The following RTRAF variants were observed in gnomAD, a reference collection of about 807,000 sequenced individuals.
RTRAF encodes tRNA-splicing ligase complex subunit RTRAF.
RTRAF carries 14 observed loss-of-function variants against 34.4 expected under a neutral mutation model. The observed-to-expected ratio is 0.41, with a 90% CI of 0.27 to 0.64. The LOEUF is 0.64. RTRAF is among the 30% of genes least tolerant of loss of function. The pLI, the probability that RTRAF is intolerant of heterozygous loss-of-function variation, is 0.34. For synonymous variants in RTRAF, 96 were observed against 95.3 expected (o/e 1.01, Z -0.04); for missense variants, 291 against 288.4 (o/e 1.01, Z -0.06).
Position 52,008,308 on chromosome 14 carries a change from A to AT in RTRAF, c.*3794dup, listed in dbSNP as rs1289257956. On this transcript the variant is annotated 3_prime_UTR_variant, in exon 8 of 8. Coordinates refer to ENST00000261700, the MANE Select transcript of RTRAF (RefSeq NM_016039.3). ...TCCTTGAGGGCTGTTGGCCAGAGAC[A>AT]TTAGTCTTGCCTGTAGCCCATGTGA... 1 of 194,690 alleles carries AT rather than the reference A, an allele frequency of 5.1e-6. No homozygotes were observed. Among genetic ancestry groups the AT allele is most frequent in the Non-Finnish European group, 1.0e-5 (1 of 95,368 alleles). The allele number at this position is 194,690 out of a possible 1,614,324, so 12.1% of individuals were successfully genotyped here. A position where few individuals can be genotyped will look rare whatever the true frequency, so the allele number is the denominator to read the frequency against.
intron 2 of RTRAF, among the ~76,000 whole-genome samples, 162 bp downstream of exon 2, chr14:51,991,603 C>T (rs540400088): frequency 9.2e-4 from 140 of 152,232 alleles, no homozygotes; most frequent in South Asian, 5.8e-3. Flanking sequence ...GTGTCTTTTG[C>T]TTTTAGAGCA....
Position 52,009,744 on chromosome 14 carries a change from C to T in RTRAF, c.*5228C>T, listed in dbSNP as rs1890934524. On this transcript the variant is annotated 3_prime_UTR_variant, in exon 8 of 8. Transcript: ENST00000261700. ...GGCGCAGTGGCTCATACCTATAATCCCAGCACTTTGGGAGGCCAAGGCAGG... is the reference window on the plus strand; with the variant it reads ...GGCGCAGTGGCTCATACCTATAATCTCAGCACTTTGGGAGGCCAAGGCAGG... 1 of 152,190 alleles carries T rather than the reference C, an allele frequency of 6.6e-6. No homozygotes were observed. Among genetic ancestry groups the T allele is most frequent in the South Asian group, 2.1e-4 (1 of 4,824 alleles). 9.4% of individuals were successfully genotyped at this position (152,190 alleles called of 1,614,324 possible). A position where few individuals can be genotyped will look rare whatever the true frequency, so the allele number is the denominator to read the frequency against.
At chr14:51,993,253 CATTT>C (rs1187687032) in intron 2 of RTRAF, among the ~76,000 whole-genome samples, 2 of 152,066 alleles carry the variant, frequency 1.3e-5, no homozygotes, top group Non-Finnish European at 2.9e-5. Context: ...CAGCTTCTGA[CATTT>C]ATTTAAATTA....
Position 52,005,946 on chromosome 14 carries a change from C to T in RTRAF, c.*1430C>T. On this transcript the variant is annotated 3_prime_UTR_variant, in exon 8 of 8. Transcript: ENST00000261700. ...AATCAGTTGCAATAGAGGAAAATTT[C>T]TGGCAGCCTTCTCTGTCCCAGGGCT... 2 of 861,742 alleles carry T rather than the reference C, an allele frequency of 2.3e-6. No individual in the cohort carries two copies. The allele number at this position is 861,742 out of a possible 1,614,324, so 53.4% of individuals were successfully genotyped here. A position where few individuals can be genotyped will look rare whatever the true frequency, so the allele number is the denominator to read the frequency against.
At chr14:51,996,197 A>G (rs1052156147) in intron 3 of RTRAF, among the ~76,000 whole-genome samples, 3 of 152,164 alleles carry the variant, frequency 2.0e-5, no homozygotes, top group Non-Finnish European at 4.4e-5. Flanking sequence ...GGAAGTCAAC[A>G]TATACTTGAA....
At chr14:52,004,341 T>C (rs1566735253) in intron 7 of RTRAF, 21 bp from the exon 8 acceptor site, 1 of 1,611,710 alleles carries the variant, frequency 6.2e-7, no homozygotes, top group Non-Finnish European at 8.5e-7. Flanking sequence ...ATTGAAGCAG[T>C]GTTCTTTTCT....
chr14:52,004,264 C>A, intron 7 of RTRAF, 22 bp downstream of exon 7: 2 of 1,611,174 alleles, frequency 1.2e-6, no homozygotes, highest in African/African-American at 2.7e-5. Flanking sequence ...TGTTTAAATT[C>A]AAACTATTTT....
chr14:52,007,997 A>G lies in RTRAF; in HGVS notation c.*3481A>G, dbSNP rs756624594. 1.9e-6 allele frequency: 3 copies of G among 1,583,884 alleles called. No individual in the cohort carries two copies. The highest frequency in any genetic ancestry group is 2.6e-6 in the Non-Finnish European group (3 of 1,164,538). The stretch of plus-strand genomic sequence containing the variant: ...AAGTTAAAAATCAAGATTGTAAAAG[A>G]ATAGCCATGTAGCCTGTGGTAGGCA... On this transcript the variant is annotated 3_prime_UTR_variant, in exon 8 of 8. Coordinates refer to ENST00000261700, the MANE Select transcript of RTRAF (RefSeq NM_016039.3).
rs368337303 is a variant in RTRAF, at chr14:51,999,824, A to G, written c.462+28A>G. 21 of 1,505,408 alleles carry G rather than the reference A, an allele frequency of 1.4e-5. No individual in the cohort carries two copies. In the African/African-American group the frequency reaches 2.9e-4, roughly 21 times the overall value. 93.3% of individuals were successfully genotyped at this position (1,505,408 alleles called of 1,614,324 possible). Reference sequence around the variant, plus strand: ...CAGCTTCATGTTCTTGATTCTTGACAGAAACTGTGCACATAGAAAAATGTC... The same window carrying G: ...CAGCTTCATGTTCTTGATTCTTGACGGAAACTGTGCACATAGAAAAATGTC... On this transcript the variant is annotated intron_variant, in intron 5 of 7. Coordinates refer to ENST00000261700, the MANE Select transcript of RTRAF (RefSeq NM_016039.3).
chr14:52,003,263 A>G (rs145135313), intron 6 of RTRAF, among the ~76,000 whole-genome samples: 5 of 152,238 alleles, frequency 3.3e-5, no homozygotes, highest in African/African-American at 1.2e-4. Context: ...CCTGTTGGCA[A>G]AGGAAAAAAA....
intron 1 of RTRAF, 61 bp from the exon 2 acceptor site, chr14:51,991,256 C>T (rs1890429685): frequency 1.3e-5 from 19 of 1,514,090 alleles, no homozygotes; most frequent in Non-Finnish European, 1.7e-5. Context: ...TGAACATATA[C>T]CTGAGAAGGA....
intron 4 of RTRAF, 35 bp from the exon 5 acceptor site, chr14:51,999,673 G>A: frequency 1.4e-6 from 2 of 1,406,288 alleles, no homozygotes; most frequent in East Asian, 4.6e-5. Context: ...CGTTTGCAGG[G>A]TTGTAAGTTT....
chr14:51,997,564 ATTAAGT>A lies in RTRAF; in HGVS notation c.287-926_287-921del, dbSNP rs1170793541. On this transcript the variant is annotated intron_variant, in intron 3 of 7. Coordinates refer to ENST00000261700, the MANE Select transcript of RTRAF (RefSeq NM_016039.3). ...TATAGCCTAAGATGCCATTTTGAACATTAAGTTTAGTGAATTATTAATAAGTGTTTT... is the reference window on the plus strand; with the variant it reads ...TATAGCCTAAGATGCCATTTTGAACATTAGTGAATTATTAATAAGTGTTTT... 3.3e-5 allele frequency among the ~76,000 whole-genome samples: 5 copies of A among 152,060 alleles called. No individual in the cohort carries two copies. The East Asian group carries it at 7.7e-4, about 23-fold the overall frequency.
In RTRAF at chr14:52,006,361, A is replaced by T; in HGVS notation, c.*1845A>T. On this transcript the variant is annotated 3_prime_UTR_variant, in exon 8 of 8. Transcript: ENST00000261700. The stretch of plus-strand genomic sequence containing the variant: ...GTGAAGTAAAAGGATGATTTCAAAA[A>T]CATGAAAGGATGAAAAACATCCTTG... 1 of 648,114 alleles carries T rather than the reference A, an allele frequency of 1.5e-6. No homozygotes were observed. The highest frequency in any genetic ancestry group is 1.8e-5 in the African/African-American group (1 of 55,164). The allele number at this position is 648,114 out of a possible 1,614,324, so 40.1% of individuals were successfully genotyped here.
chr14:52,002,525 C>T (rs1890616811), intron 6 of RTRAF, among the ~76,000 whole-genome samples: 1 of 152,170 alleles, frequency 6.6e-6, no homozygotes, highest in Non-Finnish European at 1.5e-5. Flanking sequence ...TGGTATCTTT[C>T]AGTCCTACCT....
chr14:52,004,550 T>C lies in RTRAF; in HGVS notation c.*34T>C. 6.4e-7 allele frequency: 1 copy of C among 1,570,054 alleles called. No homozygotes were observed. Among genetic ancestry groups the C allele is most frequent in the South Asian group, 1.1e-5 (1 of 88,608 alleles). ...GGACTTCAGCTTCTCACCTACTTAG[T>C]ACAGTTGGGAACCATACACTTCTGG... On this transcript the variant is annotated 3_prime_UTR_variant, in exon 8 of 8. Coordinates refer to ENST00000261700, the MANE Select transcript of RTRAF (RefSeq NM_016039.3).
At position 51,991,541 on chromosome 14, in the gene RTRAF, A is replaced by C. The variant is rs1890434910; in HGVS notation, c.186+100A>C. 8 of 1,353,436 alleles carry C rather than the reference A, an allele frequency of 5.9e-6. No individual in the cohort carries two copies. In the East Asian group the frequency reaches 9.7e-5, roughly 16 times the overall value. The allele number at this position is 1,353,436 out of a possible 1,614,324, so 83.8% of individuals were successfully genotyped here. A position where few individuals can be genotyped will look rare whatever the true frequency, so the allele number is the denominator to read the frequency against. On this transcript the variant is annotated intron_variant, in intron 2 of 7. Coordinates refer to ENST00000261700, the MANE Select transcript of RTRAF (RefSeq NM_016039.3). ...TTCTTCTTTTAAGAAAAAAATGATA[A>C]TGATCAGTGTTAGGAAAGCTGGATT...
chr14:51,989,691 A>C lies in RTRAF; in HGVS notation c.52A>C (p.Asn18His). The C allele has an allele frequency of 1.2e-6, 2 of 1,604,202 alleles. No individual in the cohort carries two copies. The highest frequency in any genetic ancestry group is 2.2e-5 in the South Asian group (2 of 89,328). ...ALDYHNPAGF[N>H]CKDETEFRNF... Reference sequence around the variant, plus strand: ...CGACTACCACAACCCCGCCGGCTTCAACTGCAAAGGTGAGGCGGCGGCCTC... The same window carrying C: ...CGACTACCACAACCCCGCCGGCTTCCACTGCAAAGGTGAGGCGGCGGCCTC... The change falls in exon 1 of 8, where the codon AAC becomes CAC. Residue 18 changes from asparagine (N) to histidine (H), a missense_variant. Asn to His is a moderately conservative substitution (Grantham distance 68). Transcript: ENST00000261700.
In RTRAF at chr14:52,005,932, A is replaced by G. The variant is rs902901542; in HGVS notation, c.*1416A>G. ...AGTCAGCCACAGAAAATCAGTTGCAATAGAGGAAAATTTCTGGCAGCCTTC... is the reference window on the plus strand; with the variant it reads ...AGTCAGCCACAGAAAATCAGTTGCAGTAGAGGAAAATTTCTGGCAGCCTTC... On this transcript the variant is annotated 3_prime_UTR_variant, in exon 8 of 8. Transcript: ENST00000261700. 3.9e-5 allele frequency: 40 copies of G among 1,038,910 alleles called. 2 individuals carry two copies. The South Asian group carries it at 5.2e-4, about 14-fold the overall frequency. The allele number at this position is 1,038,910 out of a possible 1,614,324, so 64.4% of individuals were successfully genotyped here.
Sources: gnomAD v4.1 joint callset for allele counts (sites outside exome capture counted in the v4.1 genomes callset) on GRCh38, gnomAD v4.1.1 for gene constraint, MANE v1.5 for transcripts, NCBI Gene and HGNC (gene_info 2026-07-23, HGNC 2026-07-21) for gene names.